The following DNAH9 variants were observed in gnomAD, a reference collection of about 807,000 sequenced individuals.
DNAH9 encodes the protein dynein axonemal heavy chain 9.
Under a neutral mutation model 471.6 loss-of-function variants are expected in DNAH9, and 345 were observed. The observed-to-expected ratio is 0.73, with a 90% CI of 0.67 to 0.80. The LOEUF is 0.80. Among genes scored for constraint, DNAH9 ranks in the 30% least tolerant of loss-of-function variants. DNAH9 has a pLI of 0.00. For missense variants in DNAH9, 5,407 were observed against 5,609.2 expected (o/e 0.96, Z 1.15); for synonymous variants, 2,093 against 2,123.6 (o/e 0.99, Z 0.40).
chr17:11,954,250 C>G (rs1013401419), intron 67 of DNAH9, among the ~76,000 whole-genome samples: 86 of 150,698 alleles, frequency 5.7e-4, no homozygotes, highest in Non-Finnish European at 8.0e-4. Flanking sequence ...AAGGGGGGGG[C>G]CAAAAAAACT....
chr17:11,664,686 G>C, intron 14 of DNAH9, 147 bp from the exon 15 acceptor site: 1 of 667,252 alleles, frequency 1.5e-6, no homozygotes, highest in South Asian at 1.9e-5. Flanking sequence ...ATACTCATTA[G>C]GCAGAGTGGA....
chr17:11,647,247 T>C, intron 12 of DNAH9, 49 bp downstream of exon 12: 1 of 1,551,132 alleles, frequency 6.4e-7, no homozygotes, highest in South Asian at 1.1e-5. Flanking sequence ...AGAGTTTCTT[T>C]GAACTCTGCT....
At chr17:11,625,300 G>A (rs1417915569) in intron 6 of DNAH9, among the ~76,000 whole-genome samples, 1 of 152,062 alleles carries the variant, frequency 6.6e-6, no homozygotes, top group Non-Finnish European at 1.5e-5. Flanking sequence ...TGATTAGCAG[G>A]TACATAGGTA....
At chr17:11,719,202 G>A in intron 26 of DNAH9, 132 bp from the exon 27 acceptor site, 1 of 830,510 alleles carries the variant, frequency 1.2e-6, no homozygotes, top group East Asian at 2.7e-5. Context: ...AGTGCTGTGG[G>A]GAGCGGGAAA....
chr17:11,829,190 C>T (rs769689132), intron 48 of DNAH9, among the ~76,000 whole-genome samples: 28 of 152,018 alleles, frequency 1.8e-4, no homozygotes, highest in Non-Finnish European at 3.7e-4. Context: ...TGCAGTTGTT[C>T]CTTTGGTATA....
At chr17:11,967,651 T>A (rs1464518359) in intron 68 of DNAH9, among the ~76,000 whole-genome samples, 1 of 152,116 alleles carries the variant, frequency 6.6e-6, no homozygotes, top group Non-Finnish European at 1.5e-5. Flanking sequence ...AAATGAATTT[T>A]AAAAAACAAA....
intron 26 of DNAH9, among the ~76,000 whole-genome samples, chr17:11,709,144 A>C (rs1396861113): frequency 6.6e-6 from 1 of 152,188 alleles, no homozygotes; most frequent in African/African-American, 2.4e-5. Context: ...AGTGCTGAAT[A>C]CCTTATAGAG....
chr17:11,968,504 T>C lies in DNAH9; in HGVS notation c.13234-796T>C, dbSNP rs16945496. ...ACTAGTGCTATGGGAAATGAATAGG[T>C]TGCAAAGAGAAAGGTCCTGTGGTCA... On this transcript the variant is annotated intron_variant, in intron 68 of 68. Coordinates refer to ENST00000262442, the MANE Select transcript of DNAH9 (RefSeq NM_001372.4). Among the ~76,000 whole-genome samples, 1,276 of 152,310 alleles carry C rather than the reference T, an allele frequency of 8.4e-3. 24 individuals carry two copies. Among genetic ancestry groups the C allele is most frequent in the African/African-American group, 0.029 (1,209 of 41,562 alleles).
Position 11,689,776 on chromosome 17 carries a change from C to T in DNAH9, c.3954C>T (p.Ala1318=), listed in dbSNP as rs534831142. ...TIGMVTSSIH[A]WETTPWRNIN... ...GAATGGTGACCTCCAGCATCCATGC[C>T]TGGGAGACCACACCCTGGAGGAATA... Residue 1318 remains alanine, a synonymous_variant, in exon 20 of 69, where the codon GCC becomes GCT. Coordinates refer to ENST00000262442, the MANE Select transcript of DNAH9 (RefSeq NM_001372.4). The T allele has an allele frequency of 6.2e-7, 1 of 1,614,184 alleles. No individual in the cohort carries two copies. The highest frequency in any genetic ancestry group is 1.1e-5 in the South Asian group (1 of 91,082).
At chr17:11,945,040 C>G (rs1975062252) in intron 67 of DNAH9, among the ~76,000 whole-genome samples, 2 of 152,136 alleles carry the variant, frequency 1.3e-5, no homozygotes, top group African/African-American at 4.8e-5. Context: ...GAGGGGTTCG[C>G]AGAGTGGTCT....
Position 11,905,614 on chromosome 17 carries a change from G to A in DNAH9, c.11601-47G>A, listed in dbSNP as rs376353080. 5 of 1,574,260 alleles carry A rather than the reference G, an allele frequency of 3.2e-6. No homozygotes were observed. In the South Asian group the frequency reaches 5.8e-5, roughly 18 times the overall value. ...TCTATTTCTCAAATGTTACCATTTT[G>A]TGGCTGCTATATATGTATAAATCTA... On this transcript the variant is annotated intron_variant, in intron 60 of 68. Transcript: ENST00000262442.
Position 11,701,268 on chromosome 17 carries a change from C to G in DNAH9, c.5151+21C>G, listed in dbSNP as rs1365223586. On this transcript the variant is annotated intron_variant, in intron 24 of 68. Coordinates refer to ENST00000262442, the MANE Select transcript of DNAH9 (RefSeq NM_001372.4). Reference sequence around the variant, plus strand: ...CTCAGGTATTCTCCTAATGGGATCCCCATCCTCCATGGTTGGGGCTGTCTT... The same window carrying G: ...CTCAGGTATTCTCCTAATGGGATCCGCATCCTCCATGGTTGGGGCTGTCTT... 5 of 1,611,844 alleles carry G rather than the reference C, an allele frequency of 3.1e-6. No individual in the cohort carries two copies. The African/African-American group carries it at 5.3e-5, about 17-fold the overall frequency.
At chr17:11,728,208 A>G (rs8072435) in intron 28 of DNAH9, among the ~76,000 whole-genome samples, 145,945 of 152,218 alleles carry the variant, frequency 0.96, 70,257 homozygotes, top group East Asian at 1. Flanking sequence ...TCATCTGGGC[A>G]CAGAAACATG....
chr17:11,938,721 C>T (rs2151043052), intron 66 of DNAH9, among the ~76,000 whole-genome samples: 1 of 152,280 alleles, frequency 6.6e-6, no homozygotes, highest in South Asian at 2.1e-4. Context: ...ACCTCAGCCT[C>T]CTGAGTAGCT....
chr17:11,618,642 G>A (rs2072794600), intron 5 of DNAH9, among the ~76,000 whole-genome samples: 1 of 150,824 alleles, frequency 6.6e-6, no homozygotes, highest in Admixed American at 6.6e-5. Context: ...CTCCAAACCA[G>A]TTTCCTTTTC....
At chr17:11,711,221 C>T (rs1282912536) in intron 26 of DNAH9, among the ~76,000 whole-genome samples, 1 of 152,058 alleles carries the variant, frequency 6.6e-6, no homozygotes, top group Non-Finnish European at 1.5e-5. Flanking sequence ...TGAGCCTCGT[C>T]CCCCAGCCCC....
At position 11,962,175 on chromosome 17, in the gene DNAH9, C is replaced by T; in HGVS notation, c.13152C>T (p.Asn4384=). 1 of 1,614,122 alleles carries T rather than the reference C, an allele frequency of 6.2e-7. No individual in the cohort carries two copies. Among genetic ancestry groups the T allele is most frequent in the Non-Finnish European group, 8.5e-7 (1 of 1,180,036 alleles). Reference sequence around the variant, plus strand: ...TGCAATGTGACATGACGAAGAAGAACAGAGAAGAGTTTAGGAGTCCTCCTC... The same window carrying T: ...TGCAATGTGACATGACGAAGAAGAATAGAGAAGAGTTTAGGAGTCCTCCTC... ...MALQCDMTKK[N]REEFRSPPRE... Residue 4384 remains asparagine (N), a synonymous_variant, in exon 68 of 69, where the codon AAC becomes AAT. Transcript: ENST00000262442. The surrounding 1 kb of genome is among the most constrained non-coding windows in gnomAD (Gnocchi z 4.1).
intron 67 of DNAH9, among the ~76,000 whole-genome samples, chr17:11,949,234 G>T (rs900504281): frequency 9.2e-5 from 14 of 152,254 alleles, no homozygotes; most frequent in Admixed American, 5.2e-4. Flanking sequence ...CTGAAAAGGG[G>T]CCACCCAGCC....
chr17:11,754,291 C>A (rs1016495784), intron 33 of DNAH9, among the ~76,000 whole-genome samples: 1 of 152,036 alleles, frequency 6.6e-6, no homozygotes, highest in Admixed American at 6.6e-5. Flanking sequence ...TAAACATTTG[C>A]GTTCATATGT....
Sources: gnomAD v4.1 joint callset for allele counts (sites outside exome capture counted in the v4.1 genomes callset) on GRCh38, gnomAD v4.1.1 for gene constraint, Gnocchi (gnomAD v3.1) non-coding constraint, MANE v1.5 for transcripts, NCBI Gene and HGNC (gene_info 2026-07-23, HGNC 2026-07-21) for gene names.